The following IQGAP3 variants were observed in gnomAD, a reference collection of about 807,000 sequenced individuals.
The protein encoded by IQGAP3 is ras GTPase-activating-like protein IQGAP3.
IQGAP3 carries 165 observed loss-of-function variants against 208.2 expected under a neutral mutation model. The ratio of observed to expected loss-of-function variants is 0.79; its 90% confidence interval spans 0.70 to 0.90. The LOEUF is 0.90. IQGAP3 is among the 40% of genes least tolerant of loss of function. IQGAP3 has a pLI of 0.00. For synonymous variants in IQGAP3, 703 were observed against 803.6 expected (o/e 0.87, Z 2.12); for missense variants, 1,811 against 2,043.1 (o/e 0.89, Z 2.19).
At chr1:156,567,229 T>A (rs1037862904) in intron 2 of IQGAP3, among the ~76,000 whole-genome samples, 7 of 152,226 alleles carry the variant, frequency 4.6e-5, no homozygotes, top group African/African-American at 1.7e-4. Flanking sequence ...TCTGGGTTGT[T>A]CTCTGAGAAC....
chr1:156,534,950 GT>G (rs1674620940), intron 28 of IQGAP3, among the ~76,000 whole-genome samples: 2 of 152,206 alleles, frequency 1.3e-5, no homozygotes, highest in Admixed American at 1.3e-4. Flanking sequence ...AGAAGCCAGT[GT>G]TGCCCACTCT....
rs1185155310 is a variant in IQGAP3 at position 156,554,319 on chromosome 1, T to A, written c.1364A>T (p.Glu455Val). 5 of 1,614,114 alleles carry A rather than the reference T, an allele frequency of 3.1e-6. No individual in the cohort carries two copies. Among genetic ancestry groups the A allele is most frequent in the Non-Finnish European group, 4.2e-6 (5 of 1,179,986 alleles). ...CCAGAAGCCACTGGCATCCCGGGCC[T>A]CCAGGGCCCGGTTAATCAGGACCAC... The part of the protein sequence containing the change: ...SAVVLINRAL[E>V]ARDASGFWSS... Residue 455 changes from glutamate (E) to valine (V), a missense_variant, in exon 13 of 38, where the codon GAG becomes GTG. Glu to Val is a moderately radical substitution (Grantham distance 121, BLOSUM62 -2). Coordinates refer to ENST00000361170, the MANE Select transcript of IQGAP3 (RefSeq NM_178229.5).
rs919613893 is a variant in IQGAP3, at chr1:156,527,956, T to G, written c.4778A>C (p.Tyr1593Ser). The G allele has an allele frequency of 2.5e-6, 4 of 1,608,544 alleles. No homozygotes were observed. Among genetic ancestry groups the G allele is most frequent in the Non-Finnish European group, 3.4e-6 (4 of 1,174,914 alleles). The change falls in exon 37 of 38, where the codon TAT (tyrosine) becomes TCT (serine). Residue 1593 changes from tyrosine (Y) to serine (S), a missense_variant. Tyr to Ser is a moderately radical substitution (Grantham distance 144, BLOSUM62 -2). Transcript: ENST00000361170. Reference sequence around the variant, plus strand: ...CTCATGGGACTGTCCCCTCACCTGATAGTGAAGCTGAAATCGCTCCATGTC... The same window carrying G: ...CTCATGGGACTGTCCCCTCACCTGAGAGTGAAGCTGAAATCGCTCCATGTC... ...GVDMERFQLH[Y>S]QDLLQLQYEG...
chr1:156,563,449 AT>A, intron 7 of IQGAP3, 103 bp downstream of exon 7: 3 of 1,322,014 alleles, frequency 2.3e-6, no homozygotes, highest in Non-Finnish European at 3.1e-6. Context: ...TGATGGCCCT[AT>A]CTGTGGATGA....
At chr1:156,533,168 T>TAC (rs1233443443) in intron 31 of IQGAP3, 62 bp from the exon 32 acceptor site, 73 of 1,528,006 alleles carry the variant, frequency 4.8e-5, no homozygotes, top group Admixed American at 3.3e-4. Context: ...CACACACACA[T>TAC]ACACACACAC....
rs746993160 is a variant in IQGAP3 at position 156,569,379 on chromosome 1, T to C, written c.122A>G (p.Lys41Arg). The C allele has an allele frequency of 6.2e-7, 1 of 1,610,710 alleles. No homozygotes were observed. Among genetic ancestry groups the C allele is most frequent in the African/African-American group, 1.3e-5 (1 of 74,872 alleles). The change falls in exon 2 of 38, where the codon AAG becomes AGG. Residue 41 changes from lysine to arginine, a missense_variant. By Grantham distance (26) the Lys-to-Arg change is conservative. Coordinates refer to ENST00000361170, the MANE Select transcript of IQGAP3 (RefSeq NM_178229.5). ...CATCTTCCTGGACTCCGCTCACCGC[T>C]TGGCCTCCTCCAGCCGGCACAGGTA... ...YQYLCRLEEAKRWMEACLKEE... is the reference protein window; with the variant it reads ...YQYLCRLEEARRWMEACLKEE...
In IQGAP3 at chr1:156,548,731, C is replaced by T. The variant is rs1444244340; in HGVS notation, c.1843G>A (p.Ala615Thr). The change falls in exon 17 of 38, where the codon GCC (alanine) becomes ACC (threonine). Residue 615 changes from alanine to threonine, a missense_variant. By Grantham distance (58) the Ala-to-Thr change is moderately conservative. Transcript: ENST00000361170. The part of the protein sequence containing the change: ...TAQRMALGVA[A>T]INQAIKEGKA... ...CCCTCCTTGATGGCTTGATTGATGGCAGCCACACCAAGAGCCACTGACAGG... is the reference window on the plus strand; with the variant it reads ...CCCTCCTTGATGGCTTGATTGATGGTAGCCACACCAAGAGCCACTGACAGG... The T allele has an allele frequency of 1.3e-6, 2 of 1,578,328 alleles. No individual in the cohort carries two copies. Among genetic ancestry groups the T allele is most frequent in the African/African-American group, 1.4e-5 (1 of 74,056 alleles).
Position 156,534,639 on chromosome 1 carries a change from A to AGCTGG in IQGAP3, c.3601_3602insCCAGC (p.Leu1201ProfsTer37). ...CAGGGCATGGCGCTGGGGGGCAGCC[A>AGCTGG]GGGCTCCACCAGCTGCCATGGCCAC... On this transcript the variant is annotated frameshift_variant, in exon 29 of 38. Transcript: ENST00000361170. LOFTEE classifies it high-confidence loss of function. The AGCTGG allele has an allele frequency of 6.2e-7, 1 of 1,611,956 alleles. No individual in the cohort carries two copies. The highest frequency in any genetic ancestry group is 8.5e-7 in the Non-Finnish European group (1 of 1,179,648).
rs1674836146 is a variant in IQGAP3, at chr1:156,538,864, C to G, written c.3226G>C (p.Val1076Leu). The change falls in exon 26 of 38, where the codon GTC becomes CTC. Residue 1076 changes from valine to leucine, a missense_variant. Val to Leu is a conservative substitution (Grantham distance 32). Transcript: ENST00000361170. ...TTGATCCAGTTCTTATAGAGGTGGA[C>G]AGGGTCTGTGTGGACGCTGAGCACT... The part of the protein sequence containing the change: ...DKVLSVHTDP[V>L]HLYKNWINQT... 1 of 1,614,222 alleles carries G rather than the reference C, an allele frequency of 6.2e-7. No homozygotes were observed. Among genetic ancestry groups the G allele is most frequent in the Non-Finnish European group, 8.5e-7 (1 of 1,180,044 alleles).
At chr1:156,551,235 C>G (rs1675530970) in intron 15 of IQGAP3, among the ~76,000 whole-genome samples, 1 of 152,122 alleles carries the variant, frequency 6.6e-6, no homozygotes, top group Admixed American at 6.5e-5. Context: ...CAGGGTCAGG[C>G]CGCCAGGATG....
rs186771830 is a variant in IQGAP3 at position 156,547,932 on chromosome 1, G to C, written c.2304+141C>G. On this transcript the variant is annotated intron_variant, in intron 19 of 37. Coordinates refer to ENST00000361170, the MANE Select transcript of IQGAP3 (RefSeq NM_178229.5). ...GCTGGGATTCAAACATACATGGTCT[G>C]GCTCCAGAACCTATGCTTTTAACCA... 1.8e-3 allele frequency: 1,333 copies of C among 749,652 alleles called. 1 individual carries two copies. The highest frequency in any genetic ancestry group is 2.2e-3 in the Non-Finnish European group (1,018 of 468,420). The allele number at this position is 749,652 out of a possible 1,614,324, so 46.4% of individuals were successfully genotyped here.
rs1208993994 is a variant in IQGAP3, at chr1:156,529,915, T to C, written c.4404+190A>G. Among the ~76,000 whole-genome samples, 18 of 39,172 alleles carry C rather than the reference T, an allele frequency of 4.6e-4. No individual in the cohort carries two copies. In the African/African-American group the frequency reaches 5.4e-3, roughly 12 times the overall value. The allele number at this position is 39,172 out of a possible 152,430, so 25.7% of individuals were successfully genotyped here. A position where few individuals can be genotyped will look rare whatever the true frequency, so the allele number is the denominator to read the frequency against. ...CAGCCTGGATGAGAGTGAGACTGTC[T>C]CAAAAAAAAAAAAAAAAAAGAAAAA... On this transcript the variant is annotated intron_variant, in intron 34 of 37. Coordinates refer to ENST00000361170, the MANE Select transcript of IQGAP3 (RefSeq NM_178229.5).
intron 11 of IQGAP3, among the ~76,000 whole-genome samples, chr1:156,559,224 G>A: frequency 6.6e-6 from 1 of 152,206 alleles, no homozygotes; most frequent in Non-Finnish European, 1.5e-5. Context: ...GCACAAGATT[G>A]ACAGGTGGCT....
At chr1:156,565,119 T>C (rs977621196) in intron 4 of IQGAP3, among the ~76,000 whole-genome samples, 18 of 152,154 alleles carry the variant, frequency 1.2e-4, no homozygotes, top group African/African-American at 4.3e-4. Flanking sequence ...CCTACTCCCA[T>C]GCAGGGCCCA....
At chr1:156,538,728 G>T in intron 26 of IQGAP3, 81 bp downstream of exon 26, 1 of 1,202,326 alleles carries the variant, frequency 8.3e-7, no homozygotes, top group Non-Finnish European at 1.2e-6. Context: ...GTACACCCAA[G>T]CTTCCCCAGT....
At chr1:156,550,052 C>T (rs2102405482) in intron 16 of IQGAP3, among the ~76,000 whole-genome samples, 1 of 152,298 alleles carries the variant, frequency 6.6e-6, no homozygotes, top group South Asian at 2.1e-4. Flanking sequence ...TATGGATTCT[C>T]ACCTCCTGAG....
At chr1:156,547,989 T>G in intron 19 of IQGAP3, 84 bp downstream of exon 19, 4 of 1,239,100 alleles carry the variant, frequency 3.2e-6, no homozygotes, top group Non-Finnish European at 4.5e-6. Flanking sequence ...GTCATTCCCA[T>G]GTCAGTAAAA....
In IQGAP3 at chr1:156,551,975, G is replaced by T; in HGVS notation, c.1569C>A (p.Asp523Glu). Reference sequence around the variant, plus strand: ...CACCCAGCTCCAGACTATACTTACGGTCAGTCTCTTCCTGGGTCTGTGCAT... The same window carrying T: ...CACCCAGCTCCAGACTATACTTACGTTCAGTCTCTTCCTGGGTCTGTGCAT... The part of the protein sequence containing the change: ...QVNAQTQEET[D>E]RVLAVSLINE... The change falls in exon 14 of 38, where the codon GAC becomes GAA. Residue 523 changes from aspartate to glutamate, a missense_variant and splice_region_variant. Transcript: ENST00000361170. The T allele has an allele frequency of 6.2e-7, 1 of 1,613,726 alleles. No homozygotes were observed. The highest frequency in any genetic ancestry group is 8.5e-7 in the Non-Finnish European group (1 of 1,179,786).
rs758978971 is a variant in IQGAP3, at chr1:156,564,645, G to A, written c.407C>T (p.Pro136Leu). The A allele has an allele frequency of 2.5e-6, 4 of 1,613,856 alleles. No individual in the cohort carries two copies. Among genetic ancestry groups the A allele is most frequent in the Non-Finnish European group, 3.4e-6 (4 of 1,179,800 alleles). Residue 136 changes from proline to leucine, a missense_variant, in exon 5 of 38, where the codon CCC becomes CTC. Coordinates refer to ENST00000361170, the MANE Select transcript of IQGAP3 (RefSeq NM_178229.5). Reference sequence around the variant, plus strand: ...AGCATGGATGCAGTAGACTACCCGGGGCATGTTCTTTTTGTCATAGATGTC... The same window carrying A: ...AGCATGGATGCAGTAGACTACCCGGAGCATGTTCTTTTTGTCATAGATGTC... ...TTDIYDKKNM[P>L]RVVYCIHALS...
Sources: gnomAD v4.1 joint callset for allele counts (sites outside exome capture counted in the v4.1 genomes callset) on GRCh38, gnomAD v4.1.1 for gene constraint, MANE v1.5 for transcripts, NCBI Gene and HGNC (gene_info 2026-07-23, HGNC 2026-07-21) for gene names.